The following ACOT11 variants were observed in gnomAD, a reference collection of about 807,000 sequenced individuals.
The protein encoded by ACOT11 is acyl-CoA thioesterase 11, also known as acyl-coenzyme A thioesterase 11.
ACOT11 carries 69 observed loss-of-function variants against 77.5 expected under a neutral mutation model. That is an observed-to-expected ratio of 0.89 (90% CI 0.73 to 1.09). ACOT11 has a LOEUF of 1.09. Among genes scored for constraint, ACOT11 ranks in the 50% least tolerant of loss-of-function variants. ACOT11 has a pLI of 0.00. For synonymous variants in ACOT11, 279 were observed against 313.0 expected (o/e 0.89, Z 1.15); for missense variants, 766 against 813.7 (o/e 0.94, Z 0.71).
rs759337155 is a variant in ACOT11, at chr1:54,584,647, T to G, written c.34-8T>G. 3 of 1,613,442 alleles carry G rather than the reference T, an allele frequency of 1.9e-6. No individual in the cohort carries two copies. The South Asian group carries it at 3.3e-5, about 18-fold the overall frequency. On this transcript the variant is annotated splice_region_variant and splice_polypyrimidine_tract_variant and intron_variant, in intron 1 of 15. Transcript: ENST00000343744. The surrounding 1 kb of genome is among the most constrained non-coding windows in gnomAD (Gnocchi z 6.3). Reference sequence around the variant, plus strand: ...CTCTGTCCCCACCTGTCCCCACCTGTACCCCAGGGCTTGGCCTCTGTGTTC... The same window carrying G: ...CTCTGTCCCCACCTGTCCCCACCTGGACCCCAGGGCTTGGCCTCTGTGTTC...
Position 54,617,707 on chromosome 1 carries a change from A to G in ACOT11, c.1629+9639A>G, listed in dbSNP as rs536969601. 1.8e-4 allele frequency among the ~76,000 whole-genome samples: 15 copies of G among 84,284 alleles called. No individual in the cohort carries two copies. The East Asian group carries it at 4.8e-3, about 27-fold the overall frequency. The allele number at this position is 84,284 out of a possible 152,430, so 55.3% of individuals were successfully genotyped here. A position where few individuals can be genotyped will look rare whatever the true frequency, so the allele number is the denominator to read the frequency against. On this transcript the variant is annotated intron_variant, in intron 15 of 16. Coordinates refer to the ACOT11 transcript ENST00000371316. ...ATCACTAGGTCTGCAGCAGGGCCTG[A>G]GATTTTTTTTTTTTTTTTTTTTTTT...
intron 1 of ACOT11, among the ~76,000 whole-genome samples, chr1:54,575,873 G>A (rs1404277236): frequency 1.3e-5 from 2 of 152,216 alleles, no homozygotes; most frequent in Non-Finnish European, 2.9e-5. Context: ...CTGCACATGA[G>A]GACCTGAAAG....
intron 1 of ACOT11, among the ~76,000 whole-genome samples, chr1:54,557,175 C>CCT (rs1451056520): frequency 4.9e-4 from 74 of 151,970 alleles, no homozygotes; most frequent in African/African-American, 1.7e-3. Flanking sequence ...AGGCAGATCA[C>CCT]AAGGTCAGGA....
At chr1:54,576,738 T>C (rs193291224) in intron 1 of ACOT11, among the ~76,000 whole-genome samples, 3 of 152,240 alleles carry the variant, frequency 2.0e-5, no homozygotes, top group South Asian at 4.1e-4. Context: ...GCTTGATTAA[T>C]TTTGTGAGGA....
chr1:54,631,088 C>T (rs1385111829), intron 16 of ACOT11, among the ~76,000 whole-genome samples: 1 of 152,210 alleles, frequency 6.6e-6, no homozygotes, highest in Non-Finnish European at 1.5e-5. Context: ...CCCTACCCTT[C>T]TGCATCCCCT....
Position 54,584,530 on chromosome 1 carries a change from C to T in ACOT11, c.34-125C>T. The T allele has an allele frequency of 1.2e-6, 1 of 863,032 alleles. No individual in the cohort carries two copies. The highest frequency in any genetic ancestry group is 1.8e-6 in the Non-Finnish European group (1 of 560,254). 53.5% of individuals were successfully genotyped at this position (863,032 alleles called of 1,614,324 possible). On this transcript the variant is annotated intron_variant, in intron 1 of 15. Transcript: ENST00000343744. The surrounding 1 kb of genome is among the most constrained non-coding windows in gnomAD (Gnocchi z 6.3). ...GTGGTGACCACTCTCGGGTTGGGGT[C>T]TGGTGGGAGGTGGCCCTAGGTACTC... is the stretch of plus-strand genomic sequence containing the variant.
At chr1:54,567,114 T>C (rs1182790400) in intron 1 of ACOT11, among the ~76,000 whole-genome samples, 3 of 152,148 alleles carry the variant, frequency 2.0e-5, no homozygotes, top group Admixed American at 1.3e-4. Flanking sequence ...GCTCCAGGCC[T>C]GAGTTCCTTG....
intron 1 of ACOT11, among the ~76,000 whole-genome samples, chr1:54,555,108 C>T (rs144618643): frequency 1.3e-4 from 20 of 152,248 alleles, no homozygotes; most frequent in South Asian, 6.2e-4. Context: ...ACAGACATTG[C>T]GACACCATGC....
rs1341822320 is a variant in ACOT11 at position 54,597,419 on chromosome 1, AG to A, written c.764+7del. ...ATGTGGCCACCATTGCAGCCAGGTG[AG>A]GGCAGGGTGTGCTGCCTCTGCCTCC... On this transcript the variant is annotated splice_donor_5th_base_variant and intron_variant, in intron 7 of 15. Coordinates refer to ENST00000343744, the MANE Select transcript of ACOT11 (RefSeq NM_147161.4). 2 of 1,608,692 alleles carry A rather than the reference AG, an allele frequency of 1.2e-6. No individual in the cohort carries two copies. The highest frequency in any genetic ancestry group is 1.7e-6 in the Non-Finnish European group (2 of 1,177,112).
At chr1:54,633,371 T>G (rs1032940075) in intron 16 of ACOT11, among the ~76,000 whole-genome samples, 1 of 152,192 alleles carries the variant, frequency 6.6e-6, no homozygotes, top group Non-Finnish European at 1.5e-5. Flanking sequence ...TTAACTGACT[T>G]AAGAGCCATC....
chr1:54,610,365 C>A, downstream of ACOT11: 2 of 1,599,436 alleles, frequency 1.3e-6, no homozygotes, highest in Non-Finnish European at 1.7e-6. Flanking sequence ...GCAAAGGACA[C>A]CCCTGCAGAT....
chr1:54,625,205 G>A (rs560884805), intron 15 of ACOT11, among the ~76,000 whole-genome samples: 1 of 82,850 alleles, frequency 1.2e-5, no homozygotes, highest in Non-Finnish European at 3.1e-5. Flanking sequence ...AACCTCTGGA[G>A]AGAGGGAGAT....
At chr1:54,594,092 C>A in intron 5 of ACOT11, 53 bp downstream of exon 5, 1 of 1,531,144 alleles carries the variant, frequency 6.5e-7, no homozygotes, top group Non-Finnish European at 9.0e-7. Context: ...TGGGCACCTG[C>A]CATGGCGAGT....
At chr1:54,559,144 C>T (rs1653378846) in intron 1 of ACOT11, among the ~76,000 whole-genome samples, 1 of 152,186 alleles carries the variant, frequency 6.6e-6, no homozygotes, top group Admixed American at 6.5e-5. Context: ...AGACTGGGTC[C>T]CCGTTTCCAG....
At chr1:54,548,628 A>G (rs865837272) in intron 1 of ACOT11, 9 of 538,046 alleles carry the variant, frequency 1.7e-5, no homozygotes, top group Admixed American at 6.7e-5. Context: ...CGGTGGGTGT[A>G]TGTTTCTCCC....
At chr1:54,587,194 C>T (rs1167091606) in intron 3 of ACOT11, among the ~76,000 whole-genome samples, 1 of 152,090 alleles carries the variant, frequency 6.6e-6, no homozygotes, top group Non-Finnish European at 1.5e-5. Flanking sequence ...GAACGTCATT[C>T]AATTCGCAGT....
downstream of ACOT11, among the ~76,000 whole-genome samples, chr1:54,615,206 C>G (rs1644160251): frequency 6.6e-6 from 1 of 152,104 alleles, no homozygotes; most frequent in Admixed American, 6.5e-5. Flanking sequence ...TCAGAGGGTC[C>G]TAAACCACCA....
Position 54,602,658 on chromosome 1 carries a change from T to C in ACOT11, c.1030-11T>C. Reference sequence around the variant, plus strand: ...GGGGTAGCTGGTTGCCTATCCCGACTTCCTCCCCAGGATGGTGAGCGGCGG... The same window carrying C: ...GGGGTAGCTGGTTGCCTATCCCGACCTCCTCCCCAGGATGGTGAGCGGCGG... On this transcript the variant is annotated splice_polypyrimidine_tract_variant and intron_variant, in intron 9 of 15. Coordinates refer to ENST00000343744, the MANE Select transcript of ACOT11 (RefSeq NM_147161.4). 6.5e-7 allele frequency: 1 copy of C among 1,529,336 alleles called. No individual in the cohort carries two copies. Among genetic ancestry groups the C allele is most frequent in the Non-Finnish European group, 8.8e-7 (1 of 1,139,522 alleles). The allele number at this position is 1,529,336 out of a possible 1,614,324, so 94.7% of individuals were successfully genotyped here. A position where few individuals can be genotyped will look rare whatever the true frequency, so the allele number is the denominator to read the frequency against.
rs376905410 is a variant in ACOT11, at chr1:54,576,537, C to G, written c.34-8118C>G. On this transcript the variant is annotated intron_variant, in intron 1 of 15. Coordinates refer to ENST00000343744, the MANE Select transcript of ACOT11 (RefSeq NM_147161.4). The stretch of plus-strand genomic sequence containing the variant: ...AAGCAAAGCAGAATTTTGTAAATAT[C>G]TCAAAATAGAAACCTTGAGGTTTTT... Among the ~76,000 whole-genome samples the G allele has an allele frequency of 7.3e-4, 102 of 140,526 alleles. 2 individuals carry two copies. The South Asian group carries it at 0.022, about 31-fold the overall frequency. 92.2% of individuals were successfully genotyped at this position (140,526 alleles called of 152,430 possible). A position where few individuals can be genotyped will look rare whatever the true frequency, so the allele number is the denominator to read the frequency against.
Sources: gnomAD v4.1 joint callset for allele counts (sites outside exome capture counted in the v4.1 genomes callset) on GRCh38, gnomAD v4.1.1 for gene constraint, Gnocchi (gnomAD v3.1) non-coding constraint, MANE v1.5 for transcripts, NCBI Gene and HGNC (gene_info 2026-07-23, HGNC 2026-07-21) for gene names.